Variants in TCERG1 observed in about 807,000 individuals in gnomAD.
TCERG1 encodes the protein transcription elongation regulator 1.
TCERG1 carries 37 observed loss-of-function variants against 144.7 expected under a neutral mutation model. The observed-to-expected ratio is 0.26, with a 90% CI of 0.20 to 0.34. The LOEUF (loss-of-function observed/expected upper bound fraction) is 0.34, where lower values mean the gene tolerates loss of function less well. TCERG1 is among the 10% of genes least tolerant of loss of function. The pLI is 1.00. For synonymous variants in TCERG1, 492 were observed against 458.2 expected (o/e 1.07, Z -0.94); for missense variants, 1,027 against 1,380.7 (o/e 0.74, Z 4.06).
At chr5:146,492,692 T>C (rs531946168) in intron 15 of TCERG1, among the ~76,000 whole-genome samples, 1 of 152,308 alleles carries the variant, frequency 6.6e-6, no homozygotes, top group South Asian at 2.1e-4. Flanking sequence ...TTAAAGAGGC[T>C]TTTTGCTGTT....
At chr5:146,475,997 G>A (rs950435098) in intron 9 of TCERG1, among the ~76,000 whole-genome samples, 1 of 152,006 alleles carries the variant, frequency 6.6e-6, no homozygotes, top group Non-Finnish European at 1.5e-5. Flanking sequence ...AGCCTCTTGC[G>A]CTAACTTTTT....
chr5:146,483,692 A>G (rs1765567386), intron 15 of TCERG1, 63 bp downstream of exon 15: 1 of 1,291,208 alleles, frequency 7.7e-7, no homozygotes, highest in Non-Finnish European at 1.1e-6. Flanking sequence ...TTTAAATTAT[A>G]AGGAATAAAG....
At chr5:146,454,905 G>A (rs1762695078) in intron 1 of TCERG1, 151 bp from the exon 2 acceptor site, 4 of 805,606 alleles carry the variant, frequency 5.0e-6, no homozygotes, top group Non-Finnish European at 7.8e-6. Context: ...GCCCATTGAT[G>A]TAGTTTTTAT....
Position 146,459,150 on chromosome 5 carries a change from T to TCAGGCC in TCERG1, c.717_722dup (p.Ala241_Gln242dup). 2.1e-5 allele frequency: 34 copies of TCAGGCC among 1,610,626 alleles called. No homozygotes were observed. The highest frequency in any genetic ancestry group is 7.7e-5 in the South Asian group (7 of 90,922). ...CCCAGGCTCAGGCTCAGGCACAAGC[T>TCAGGCC]CAGGCCCAGGCCCAGGCTCAGGTCC... is the stretch of plus-strand genomic sequence containing the variant. On this transcript the variant is annotated inframe_insertion, in exon 4 of 23. Coordinates refer to ENST00000679501, the MANE Select transcript of TCERG1 (RefSeq NM_001382548.1).
chr5:146,476,714 C>G (rs1253281769), intron 9 of TCERG1, among the ~76,000 whole-genome samples: 2 of 152,176 alleles, frequency 1.3e-5, no homozygotes, highest in Admixed American at 6.5e-5. Context: ...TCGTGGTCCT[C>G]ATTAATTTTC....
chr5:146,478,461 A>T (rs375128691), intron 9 of TCERG1, 32 bp from the exon 10 acceptor site: 2 of 1,548,306 alleles, frequency 1.3e-6, no homozygotes, highest in Non-Finnish European at 1.7e-6. Flanking sequence ...GTTCTGTAAC[A>T]TAAGAGAATG....
At chr5:146,470,562 T>A (rs1341294344) in intron 7 of TCERG1, 74 bp from the exon 8 acceptor site, 4 of 1,208,454 alleles carry the variant, frequency 3.3e-6, no homozygotes, top group African/African-American at 3.1e-5. Context: ...AATATCTTAA[T>A]GGCTTATTCT....
rs1049949906 is a variant in TCERG1 at position 146,510,831 on chromosome 5, T to G, written c.*189T>G. On this transcript the variant is annotated 3_prime_UTR_variant, in exon 23 of 23. Coordinates refer to ENST00000679501, the MANE Select transcript of TCERG1 (RefSeq NM_001382548.1). ...TATGCTTTTCTTTGTGTGGCATGACTGACATACATACTCAAATATAGGCTG... is the reference window on the plus strand; with the variant it reads ...TATGCTTTTCTTTGTGTGGCATGACGGACATACATACTCAAATATAGGCTG... 4.1e-6 allele frequency: 2 copies of G among 491,958 alleles called. No homozygotes were observed. Among genetic ancestry groups the G allele is most frequent in the Non-Finnish European group, 7.0e-6 (2 of 286,242 alleles). The allele number at this position is 491,958 out of a possible 1,614,324, so 30.5% of individuals were successfully genotyped here.
chr5:146,504,913 G>T (rs559727065), intron 19 of TCERG1, among the ~76,000 whole-genome samples: 376 of 152,210 alleles, frequency 2.5e-3, no homozygotes, highest in African/African-American at 8.3e-3. Flanking sequence ...GGGTGTGGTG[G>T]TGCGTGCCTG....
intron 5 of TCERG1, among the ~76,000 whole-genome samples, chr5:146,464,915 C>A (rs532203185): frequency 1.3e-5 from 2 of 152,058 alleles, no homozygotes; most frequent in Non-Finnish European, 2.9e-5. Flanking sequence ...TTCAGATATA[C>A]CTTGTCAAGA....
intron 19 of TCERG1, among the ~76,000 whole-genome samples, chr5:146,504,679 C>T (rs557878496): frequency 6.6e-6 from 1 of 152,210 alleles, no homozygotes; most frequent in Non-Finnish European, 1.5e-5. Flanking sequence ...GTTTCTTACT[C>T]TACCCAGGAG....
rs559190247 is a variant in TCERG1 at position 146,465,513 on chromosome 5, A to G, written c.1135+1720A>G. The stretch of plus-strand genomic sequence containing the variant: ...CATATTTTCCCCAAAATATGATGAC[A>G]TATTTTGATGTCATATGGAGCAAGC... On this transcript the variant is annotated intron_variant, in intron 5 of 22. Coordinates refer to ENST00000679501, the MANE Select transcript of TCERG1 (RefSeq NM_001382548.1). 3.3e-5 allele frequency among the ~76,000 whole-genome samples: 5 copies of G among 152,322 alleles called. No individual in the cohort carries two copies. In the East Asian group the frequency reaches 7.7e-4, roughly 24 times the overall value.
chr5:146,504,017 A>G lies in TCERG1; in HGVS notation c.2781+11A>G. On this transcript the variant is annotated intron_variant, in intron 19 of 22. Transcript: ENST00000679501. The stretch of plus-strand genomic sequence containing the variant: ...CTTCTGTCTGACATGGTATACGTTA[A>G]TCTTTTACTTTTTTTCTCTAAAGTA... 2.0e-6 allele frequency: 3 copies of G among 1,507,066 alleles called. No individual in the cohort carries two copies. In the South Asian group the frequency reaches 4.3e-5, roughly 21 times the overall value. 93.4% of individuals were successfully genotyped at this position (1,507,066 alleles called of 1,614,324 possible).
Position 146,507,820 on chromosome 5 carries a change from T to C in TCERG1, c.2962-53T>C. Reference sequence around the variant, plus strand: ...ATGTACCTATGTGCTGCAGTTTGACTCCCTAAGTAAAAGTGAGTTGTATTT... The same window carrying C: ...ATGTACCTATGTGCTGCAGTTTGACCCCCTAAGTAAAAGTGAGTTGTATTT... On this transcript the variant is annotated intron_variant, in intron 20 of 22. Coordinates refer to ENST00000679501, the MANE Select transcript of TCERG1 (RefSeq NM_001382548.1). This position sits in a 1 kb window ranked among gnomAD's most constrained non-coding sequence, Gnocchi z 4.6. The C allele has an allele frequency of 7.7e-7, 1 of 1,294,968 alleles. No homozygotes were observed. The highest frequency in any genetic ancestry group is 1.1e-6 in the Non-Finnish European group (1 of 913,726). 80.2% of individuals were successfully genotyped at this position (1,294,968 alleles called of 1,614,324 possible).
intron 4 of TCERG1, among the ~76,000 whole-genome samples, chr5:146,461,788 A>C (rs1390943599): frequency 3.3e-5 from 5 of 152,176 alleles, no homozygotes; most frequent in African/African-American, 4.8e-5. Context: ...AAAATTAAGA[A>C]TATATTTTAA....
intron 16 of TCERG1, among the ~76,000 whole-genome samples, chr5:146,496,661 GTAA>G (rs1446496648): frequency 6.6e-6 from 1 of 151,970 alleles, no homozygotes; most frequent in Admixed American, 6.6e-5. Context: ...TTCTTTCAGT[GTAA>G]TAATAACAGT....
intron 13 of TCERG1, chr5:146,481,682 A>G (rs1291310412): frequency 2.0e-5 from 3 of 152,184 alleles, no homozygotes; most frequent in Non-Finnish European, 2.9e-5. Flanking sequence ...TTTTTAAAAT[A>G]TACTTAGCAG....
intron 13 of TCERG1, chr5:146,482,094 G>A (rs1219626288): frequency 1.3e-5 from 2 of 152,070 alleles, no homozygotes; most frequent in African/African-American, 4.8e-5. Context: ...TTTTTAAAAT[G>A]AATGTTTGAG....
chr5:146,489,384 A>C (rs1766177347), intron 15 of TCERG1, among the ~76,000 whole-genome samples: 1 of 152,168 alleles, frequency 6.6e-6, no homozygotes, highest in Non-Finnish European at 1.5e-5. Flanking sequence ...CTAAGAGAAA[A>C]CACCAAAATA....
Sources: allele counts gnomAD v4.1 joint callset (sites outside exome capture counted in the v4.1 genomes callset), GRCh38; gene constraint gnomAD v4.1.1; non-coding constraint Gnocchi (gnomAD v3.1); transcripts MANE v1.5; gene names NCBI Gene and HGNC (gene_info 2026-07-23, HGNC 2026-07-21).